Variants in DLG2 observed in about 807,000 individuals in gnomAD.
DLG2 encodes discs large MAGUK scaffold protein 2.
Under a neutral mutation model 132.5 loss-of-function variants are expected in DLG2, and 45 were observed. The ratio of observed to expected loss-of-function variants is 0.34; its 90% CI spans 0.27 to 0.44. The LOEUF (loss-of-function observed/expected upper bound fraction) is 0.44, where lower values mean the gene tolerates loss of function less well. Ranked by LOEUF, DLG2 falls within the 20% of genes least tolerant of loss-of-function variation. The probability of loss-of-function intolerance (pLI) is 1.00; values close to 1 mark genes in which losing one functional copy is unlikely to be tolerated. For missense variants in DLG2, 1,045 were observed against 1,196.9 expected (o/e 0.87, Z 1.87); for synonymous variants, 424 against 419.6 (o/e 1.01, Z -0.13).
intron 7 of DLG2, among the ~76,000 whole-genome samples, chr11:84,461,312 G>A (rs1282012568): frequency 6.6e-6 from 1 of 150,812 alleles, no homozygotes; most frequent in Non-Finnish European, 1.5e-5. Context: ...GATGGCCAAT[G>A]AATGCCACAC....
At chr11:84,177,740 T>C (rs977580117) in intron 8 of DLG2, among the ~76,000 whole-genome samples, 1 of 152,138 alleles carries the variant, frequency 6.6e-6, no homozygotes, top group Non-Finnish European at 1.5e-5. Context: ...AAAATGAATA[T>C]CATAGGATTG....
intron 18 of DLG2, among the ~76,000 whole-genome samples, chr11:83,642,329 A>G (rs1244877121): frequency 6.6e-6 from 1 of 152,190 alleles, no homozygotes; most frequent in Non-Finnish European, 1.5e-5. Context: ...ATAATTTTTA[A>G]TAACACACTG....
intron 21 of DLG2, among the ~76,000 whole-genome samples, chr11:83,525,624 C>T (rs995213714): frequency 6.6e-6 from 1 of 152,122 alleles, no homozygotes; most frequent in Non-Finnish European, 1.5e-5. Flanking sequence ...AGTTTATTCA[C>T]CTTGAGGGCA....
At chr11:84,935,657 T>C (rs4944503) in intron 6 of DLG2, among the ~76,000 whole-genome samples, 55,227 of 151,968 alleles carry the variant, frequency 0.36, 10,695 homozygotes, top group East Asian at 0.64. Context: ...AAGAGTGTTA[T>C]TGGCATCTAA....
intron 17 of DLG2, chr11:83,790,217 A>G (rs1170508844): frequency 2.2e-6 from 2 of 895,224 alleles, no homozygotes; most frequent in Non-Finnish European, 3.6e-6. Flanking sequence ...TAGATCAACT[A>G]TGGATGTATG....
At chr11:84,270,809 T>C (rs2097711286) in intron 7 of DLG2, among the ~76,000 whole-genome samples, 1 of 152,244 alleles carries the variant, frequency 6.6e-6, no homozygotes, top group African/African-American at 2.4e-5. Flanking sequence ...TTTATAGACA[T>C]TGTTCATTTT....
rs1567803786 is a variant in DLG2 at position 84,502,224 on chromosome 11, T to TCTC, written c.519+32345_519+32346insGAG. On this transcript the variant is annotated intron_variant, in intron 7 of 27. Coordinates refer to ENST00000376104, the MANE Select transcript of DLG2 (RefSeq NM_001142699.3). ...TCTCCTTCCTTCCTTCCTTCCTTCC[T>TCTC]TCCTTCCTTCCTTCCTTCCTTCCTT... is the stretch of plus-strand genomic sequence containing the variant. Among the ~76,000 whole-genome samples, 8 of 11,572 alleles carry TCTC rather than the reference T, an allele frequency of 6.9e-4. 1 individual carries two copies. The highest frequency in any genetic ancestry group is 9.5e-4 in the East Asian group (1 of 1,058). 7.6% of individuals were successfully genotyped at this position (11,572 alleles called of 152,430 possible). A position where few individuals can be genotyped will look rare whatever the true frequency, so the allele number is the denominator to read the frequency against.
intron 19 of DLG2, among the ~76,000 whole-genome samples, chr11:83,551,197 T>C (rs899700522): frequency 2.6e-5 from 4 of 152,188 alleles, no homozygotes; most frequent in African/African-American, 9.7e-5. Context: ...TGAGAGCTTT[T>C]AGAATCCAGT....
Position 84,582,527 on chromosome 11 carries a change from TTTAAG to T in DLG2, c.358-47801_358-47797del, listed in dbSNP as rs555832192. ...ATATAAAATACATATATACATGTATTTTAAGTTAAAAGAGTCAATGTTTTCCAAAA... is the reference window on the plus strand; with the variant it reads ...ATATAAAATACATATATACATGTATTTTAAAAGAGTCAATGTTTTCCAAAA... On this transcript the variant is annotated intron_variant, in intron 6 of 27. Coordinates refer to ENST00000376104, the MANE Select transcript of DLG2 (RefSeq NM_001142699.3). Among the ~76,000 whole-genome samples the T allele has an allele frequency of 3.2e-3, 483 of 149,256 alleles. 4 individuals carry two copies. Among genetic ancestry groups the T allele is most frequent in the African/African-American group, 0.01 (430 of 40,988 alleles).
At chr11:85,146,726 C>G (rs190012410) in intron 5 of DLG2, among the ~76,000 whole-genome samples, 2 of 152,314 alleles carry the variant, frequency 1.3e-5, no homozygotes, top group Admixed American at 1.3e-4. Context: ...GGTGTGACAA[C>G]TAGTGTCTCA....
At chr11:84,114,831 T>TA (rs930136208) in intron 9 of DLG2, among the ~76,000 whole-genome samples, 8 of 151,496 alleles carry the variant, frequency 5.3e-5, no homozygotes, top group African/African-American at 1.9e-4. Context: ...CTGGCTATTT[T>TA]TTTTTTTTTT....
At chr11:84,940,352 C>T (rs561215097) in intron 6 of DLG2, among the ~76,000 whole-genome samples, 2 of 152,298 alleles carry the variant, frequency 1.3e-5, no homozygotes, top group Middle Eastern at 3.4e-3. Flanking sequence ...AGGGTTTCAT[C>T]ATTTTGGCCA....
intron 6 of DLG2, among the ~76,000 whole-genome samples, chr11:84,546,262 T>C (rs919971194): frequency 2.0e-5 from 3 of 152,080 alleles, no homozygotes; most frequent in African/African-American, 4.8e-5. Context: ...GATCTGATTG[T>C]TTGGAAGTGT....
rs1465322917 is a variant in DLG2 at position 83,456,105 on chromosome 11, A to G, written c.*3713T>C. 1 of 152,722 alleles carries G rather than the reference A, an allele frequency of 6.5e-6. No homozygotes were observed. The highest frequency in any genetic ancestry group is 2.4e-5 in the African/African-American group (1 of 41,466). 9.5% of individuals were successfully genotyped at this position (152,722 alleles called of 1,614,324 possible). A position where few individuals can be genotyped will look rare whatever the true frequency, so the allele number is the denominator to read the frequency against. On this transcript the variant is annotated 3_prime_UTR_variant, in exon 28 of 28. Coordinates refer to ENST00000376104, the MANE Select transcript of DLG2 (RefSeq NM_001142699.3). ...AAACCAAGGTGATGGCATGGCTTCA[A>G]TGAGGAGGAAGAGGTTTGCTATCAG...
intron 6 of DLG2, among the ~76,000 whole-genome samples, chr11:84,727,472 T>G (rs1399184824): frequency 6.6e-6 from 1 of 152,184 alleles, no homozygotes; most frequent in Non-Finnish European, 1.5e-5. Flanking sequence ...TTGCTTCCAG[T>G]ACCATGCTGT....
chr11:84,040,438 T>A (rs1049326509), intron 11 of DLG2, among the ~76,000 whole-genome samples: 8 of 150,914 alleles, frequency 5.3e-5, no homozygotes, highest in Non-Finnish European at 1.5e-5. Context: ...TTTCTACATA[T>A]GGCTAGCCAG....
intron 17 of DLG2, among the ~76,000 whole-genome samples, chr11:83,820,652 G>T (rs189992046): frequency 6.6e-6 from 1 of 152,212 alleles, no homozygotes; most frequent in East Asian, 1.9e-4. Context: ...TGTTCCTGGG[G>T]CAGAAAATAC....
At chr11:84,136,892 C>A (rs184126146) in intron 9 of DLG2, among the ~76,000 whole-genome samples, 2 of 152,242 alleles carry the variant, frequency 1.3e-5, no homozygotes, top group East Asian at 3.9e-4. Flanking sequence ...GTAAAAATGT[C>A]TCACTGCATT....
intron 14 of DLG2, among the ~76,000 whole-genome samples, chr11:83,959,059 G>T (rs550137486): frequency 6.6e-6 from 1 of 152,084 alleles, no homozygotes; most frequent in Non-Finnish European, 1.5e-5. Context: ...TTGAAAATCA[G>T]ATATCTACAT....
Sources: gnomAD v4.1 joint callset for allele counts (sites outside exome capture counted in the v4.1 genomes callset) on GRCh38, gnomAD v4.1.1 for gene constraint, MANE v1.5 for transcripts, NCBI Gene and HGNC (gene_info 2026-07-23, HGNC 2026-07-21) for gene names.